The following PIWIL1 variants were observed in gnomAD, a reference collection of about 807,000 sequenced individuals.
PIWIL1 encodes piwi-like protein 1.
In PIWIL1, 73 loss-of-function variants were observed where a neutral mutation model predicts 114.4. That is an observed-to-expected ratio of 0.64 (90% CI 0.53 to 0.78). The LOEUF (loss-of-function observed/expected upper bound fraction) is 0.78, where lower values mean the gene tolerates loss of function less well. Ranked by LOEUF, PIWIL1 falls within the 30% of genes least tolerant of loss-of-function variation. The pLI is 0.00. For synonymous variants in PIWIL1, 375 were observed against 369.0 expected (o/e 1.02, Z -0.19); for missense variants, 723 against 1,063.1 (o/e 0.68, Z 4.45).
the PIWIL1 span, chr12:130,406,266 T>A: frequency 2.6e-6 from 4 of 1,521,892 alleles, no homozygotes; most frequent in African/African-American, 5.5e-5. Flanking sequence ...AACATAAAAT[T>A]AATCGTATTT....
At chr12:130,343,655 T>G (rs918682951) in intron 3 of PIWIL1, among the ~76,000 whole-genome samples, 16 of 142,256 alleles carry the variant, frequency 1.1e-4, no homozygotes, top group Non-Finnish European at 2.3e-4. Context: ...AGACGGAGTC[T>G]CACTCTGTCT....
chr12:130,375,145 T>TGGTA (rs975013906), downstream of PIWIL1, among the ~76,000 whole-genome samples: 1 of 152,190 alleles, frequency 6.6e-6, no homozygotes, highest in Non-Finnish European at 1.5e-5. Flanking sequence ...TCCTTGCAGA[T>TGGTA]GGTAGCTCCT....
chr12:130,414,596 G>A, the PIWIL1 span: 8 of 258,644 alleles, frequency 3.1e-5, no homozygotes, highest in Admixed American at 4.9e-5. Context: ...CAGGGGCTGC[G>A]GCCGTGCCAG....
the PIWIL1 span, chr12:130,383,655 A>C: frequency 2.0e-5 from 3 of 152,328 alleles, no homozygotes; most frequent in Non-Finnish European, 4.4e-5. Flanking sequence ...CAAAAATTAT[A>C]GAGGCATCAA....
chr12:130,346,417 A>T lies in PIWIL1; in HGVS notation c.364A>T (p.Thr122Ser), dbSNP rs2073069924. ...VRLSTNHFRL[T>S]SRPQWALYQY... ...GTTAAGCACTAACCATTTCCGGCTG[A>T]CATCCCGTCCCCAGTGGGCCTTATA... Residue 122 changes from threonine (T) to serine (S), a missense_variant, in exon 5 of 21, where the codon ACA becomes TCA. Thr to Ser is a moderately conservative substitution (Grantham distance 58). This residue lies in a region of PIWIL1 where 190 missense variants were observed against 294.4 expected (regional missense o/e 0.65). Transcript: ENST00000245255. 1.2e-6 allele frequency: 2 copies of T among 1,614,202 alleles called. No homozygotes were observed. Among genetic ancestry groups the T allele is most frequent in the East Asian group, 4.5e-5 (2 of 44,884 alleles).
chr12:130,338,141 T>G lies in PIWIL1; in HGVS notation c.-18T>G. ...ACCAGGACTAGGGCGAGGGCAGCGG[T>G]CCAAGGTGCGGGGCCAGGCTGAGGT... On this transcript the variant is annotated 5_prime_UTR_variant, in exon 1 of 21. Transcript: ENST00000245255. 2 of 306,024 alleles carry G rather than the reference T, an allele frequency of 6.5e-6. No homozygotes were observed. The highest frequency in any genetic ancestry group is 1.3e-5 in the Non-Finnish European group (2 of 159,812). 19.0% of individuals were successfully genotyped at this position (306,024 alleles called of 1,614,324 possible). A position where few individuals can be genotyped will look rare whatever the true frequency, so the allele number is the denominator to read the frequency against.
the PIWIL1 span, among the ~76,000 whole-genome samples, chr12:130,392,595 G>T: frequency 0.35 from 1,191 of 3,380 alleles, 39 homozygotes; most frequent in Middle Eastern, 0.5. Context: ...AATGTTGTGA[G>T]GACCCGGTCA....
the PIWIL1 span, among the ~76,000 whole-genome samples, chr12:130,394,830 T>C: frequency 2.2e-5 from 2 of 92,022 alleles, no homozygotes; most frequent in Admixed American, 1.2e-4. Context: ...GCATGAGAAG[T>C]AACTGCAAAA....
the PIWIL1 span, chr12:130,399,959 T>C: frequency 2.2e-6 from 2 of 908,552 alleles, no homozygotes; most frequent in East Asian, 2.6e-5. Flanking sequence ...GGACTCTAAA[T>C]CAGGGTTTCC....
intron 6 of PIWIL1, among the ~76,000 whole-genome samples, 177 bp from the exon 7 acceptor site, chr12:130,347,926 C>A (rs2073112057): frequency 1.3e-5 from 2 of 152,084 alleles, no homozygotes; most frequent in Admixed American, 6.5e-5. Flanking sequence ...TTTTTTCCAA[C>A]CTCAAAGATA....
intron 18 of PIWIL1, among the ~76,000 whole-genome samples, chr12:130,363,923 T>C (rs1203171625): frequency 1.3e-5 from 2 of 152,156 alleles, no homozygotes; most frequent in South Asian, 2.1e-4. Flanking sequence ...CAGCCTCTAC[T>C]TTGTCCTTTT....
chr12:130,353,918 T>TC (rs1310492102), intron 9 of PIWIL1, among the ~76,000 whole-genome samples: 3 of 148,378 alleles, frequency 2.0e-5, no homozygotes, highest in African/African-American at 7.5e-5. Flanking sequence ...AGAGCGAGAC[T>TC]CCATCTTCAA....
chr12:130,425,079 C>T, the PIWIL1 span: 7 of 382,948 alleles, frequency 1.8e-5, no homozygotes, highest in African/African-American at 1.0e-4. Flanking sequence ...AGGCAGAGCA[C>T]ACGCAGAGCC....
At chr12:130,401,116 A>G in the PIWIL1 span, among the ~76,000 whole-genome samples, 8 of 149,918 alleles carry the variant, frequency 5.3e-5, no homozygotes, top group African/African-American at 2.0e-4. Flanking sequence ...ATGATTTTAT[A>G]TCTTTTTTTT....
intron 2 of PIWIL1, 91 bp downstream of exon 2, chr12:130,342,760 A>G: frequency 9.9e-7 from 1 of 1,013,618 alleles, no homozygotes; most frequent in Non-Finnish European, 1.5e-6. Context: ...TGTGCTGGGA[A>G]GGATATAGGA....
At position 130,361,536 on chromosome 12, in the gene PIWIL1, T is replaced by C. The variant is rs183048707; in HGVS notation, c.1905T>C (p.His635=). 3.7e-6 allele frequency: 6 copies of C among 1,614,228 alleles called. No homozygotes were observed. The East Asian group carries it at 1.1e-4, about 30-fold the overall frequency. ...TGATCGTTGGCATCGATTGTTACCA[T>C]GACATGACAGCTGGGCGGAGGTCAA... is the stretch of plus-strand genomic sequence containing the variant. The part of the protein sequence containing the change: ...LVMIVGIDCY[H]DMTAGRRSIA... Residue 635 remains histidine, a synonymous_variant, in exon 16 of 21, where the codon CAT becomes CAC. Coordinates refer to ENST00000245255, the MANE Select transcript of PIWIL1 (RefSeq NM_004764.5).
chr12:130,414,299 G>A, the PIWIL1 span: 4,774 of 1,584,310 alleles, frequency 3.0e-3, 14 homozygotes, highest in Non-Finnish European at 3.6e-3. Context: ...GGTCTCGCCC[G>A]TAATCGTCTG....
chr12:130,342,441 A>G, intron 1 of PIWIL1, 139 bp from the exon 2 acceptor site: 3 of 624,022 alleles, frequency 4.8e-6, no homozygotes, highest in Middle Eastern at 3.7e-4. Flanking sequence ...AAAAACTGTC[A>G]TTAAAGATTA....
At chr12:130,403,349 C>T in the PIWIL1 span, among the ~76,000 whole-genome samples, 1 of 151,924 alleles carries the variant, frequency 6.6e-6, no homozygotes, top group African/African-American at 2.4e-5. Flanking sequence ...GATCTGATTC[C>T]CACTATAATA....
Sources: allele counts gnomAD v4.1 joint callset (sites outside exome capture counted in the v4.1 genomes callset), GRCh38; gene constraint gnomAD v4.1.1; regional missense constraint gnomAD v4.1.1; transcripts MANE v1.5; gene names NCBI Gene and HGNC (gene_info 2026-07-23, HGNC 2026-07-21).